Variants in RGL1 observed in about 807,000 individuals in gnomAD.
RGL1 encodes ral guanine nucleotide dissociation stimulator like 1.
In RGL1, 24 loss-of-function variants were observed where a neutral mutation model predicts 95.2. That is an observed-to-expected ratio of 0.25 (90% CI 0.18 to 0.35). RGL1 has a LOEUF of 0.35. Ranked by LOEUF, RGL1 falls within the 10% of genes least tolerant of loss-of-function variation. The pLI, the probability that RGL1 is intolerant of heterozygous loss-of-function variation, is 1.00. For missense variants in RGL1, 715 were observed against 936.3 expected, an observed-to-expected ratio of 0.76 and a Z score of 3.08; for synonymous variants, 329 against 344.9, an observed-to-expected ratio of 0.95 and a Z score of 0.51.
intron 1 of RGL1, among the ~76,000 whole-genome samples, chr1:183,643,319 G>A (rs920439531): frequency 1.3e-5 from 2 of 149,716 alleles, no homozygotes; most frequent in African/African-American, 2.5e-5. Flanking sequence ...TTGAGACGGG[G>A]TCTCACTCTG....
At chr1:183,779,212 C>T (rs979175898) in intron 2 of RGL1, among the ~76,000 whole-genome samples, 1 of 147,612 alleles carries the variant, frequency 6.8e-6, no homozygotes, top group Non-Finnish European at 1.5e-5. Context: ...TCCTTCCTTC[C>T]TTCCTTCCTT....
At chr1:183,841,201 C>T (rs1000870598) in intron 2 of RGL1, among the ~76,000 whole-genome samples, 13 of 152,114 alleles carry the variant, frequency 8.5e-5, no homozygotes, top group Admixed American at 5.9e-4. Context: ...GAAAAGACAG[C>T]CATTGTGTAT....
chr1:183,905,027 T>C, intron 13 of RGL1, 56 bp downstream of exon 13: 1 of 1,579,774 alleles, frequency 6.3e-7, no homozygotes, highest in Non-Finnish European at 8.6e-7. Context: ...AGAAAAATGC[T>C]GCATTTAATA....
intron 1 of RGL1, among the ~76,000 whole-genome samples, chr1:183,668,337 GT>G (rs1572250617): frequency 6.6e-6 from 1 of 151,904 alleles, no homozygotes; most frequent in Non-Finnish European, 1.5e-5. Context: ...AGGTTGATGA[GT>G]TTTTTTCTAT....
At chr1:183,653,580 T>TAAC (rs1650926179) in intron 1 of RGL1, among the ~76,000 whole-genome samples, 1 of 152,186 alleles carries the variant, frequency 6.6e-6, no homozygotes, top group African/African-American at 2.4e-5. Context: ...GCCTGGCGGT[T>TAAC]CTGTTGCCTG....
intron 9 of RGL1, among the ~76,000 whole-genome samples, chr1:183,894,529 G>A (rs1667584871): frequency 6.6e-6 from 1 of 152,042 alleles, no homozygotes; most frequent in South Asian, 2.1e-4. Context: ...TTCATATGAA[G>A]TGTCTAATTC....
chr1:183,682,472 C>T (rs565335580), intron 1 of RGL1, among the ~76,000 whole-genome samples: 12 of 152,158 alleles, frequency 7.9e-5, no homozygotes, highest in East Asian at 5.8e-4. Flanking sequence ...TGTAGTTGTG[C>T]GCTTTTGAGT....
intron 1 of RGL1, among the ~76,000 whole-genome samples, chr1:183,661,316 C>T (rs1234472589): frequency 2.0e-5 from 3 of 151,928 alleles, no homozygotes. Flanking sequence ...GCTAGCAAGA[C>T]TAGTAAAGAA....
chr1:183,847,824 G>A (rs1332159085), intron 3 of RGL1, 50 bp downstream of exon 3: 1 of 1,441,680 alleles, frequency 6.9e-7, no homozygotes, highest in Non-Finnish European at 9.7e-7. Flanking sequence ...GGCTGATTAT[G>A]GAGTGGAGCA....
chr1:183,760,581 A>C (rs945157584), intron 2 of RGL1, among the ~76,000 whole-genome samples: 8 of 149,034 alleles, frequency 5.4e-5, no homozygotes, highest in South Asian at 2.1e-4. Context: ...AAAAAAAAAA[A>C]AAAAAAAAAA....
At chr1:183,688,456 A>AAGAGAGAG (rs57516940) in intron 1 of RGL1, among the ~76,000 whole-genome samples, 3 of 149,998 alleles carry the variant, frequency 2.0e-5, no homozygotes, top group Non-Finnish European at 3.0e-5. Flanking sequence ...GGATCTACTG[A>AAGAGAGAG]AGAGAGAGAG....
At chr1:183,919,928 T>G (rs1669218996) in intron 16 of RGL1, among the ~76,000 whole-genome samples, 1 of 152,216 alleles carries the variant, frequency 6.6e-6, no homozygotes, top group African/African-American at 2.4e-5. Flanking sequence ...ATATACCAGA[T>G]TTTGAACACT....
intron 2 of RGL1, among the ~76,000 whole-genome samples, chr1:183,832,123 G>C (rs1663301574): frequency 6.6e-6 from 1 of 152,166 alleles, no homozygotes; most frequent in South Asian, 2.1e-4. Context: ...CTAGTTAGGT[G>C]CCTATTACTC....
chr1:183,903,566 G>C (rs993526385), intron 12 of RGL1, among the ~76,000 whole-genome samples: 1 of 152,098 alleles, frequency 6.6e-6, no homozygotes, highest in Non-Finnish European at 1.5e-5. Flanking sequence ...ACATGGGGGG[G>C]GTTTGGGAAT....
At chr1:183,637,183 T>C (rs1484715531) in intron 1 of RGL1, among the ~76,000 whole-genome samples, 1 of 152,288 alleles carries the variant, frequency 6.6e-6, no homozygotes, top group African/African-American at 2.4e-5. Context: ...CGAAAGTGTT[T>C]CCAAGCTCTA....
At chr1:183,853,712 T>C (rs73047545) in intron 3 of RGL1, among the ~76,000 whole-genome samples, 4,806 of 152,278 alleles carry the variant, frequency 0.032, 277 homozygotes, top group African/African-American at 0.11. Context: ...AAATTGTGGC[T>C]CAGAAACATT....
At chr1:183,705,211 G>T (rs755473693) in intron 1 of RGL1, among the ~76,000 whole-genome samples, 10 of 152,114 alleles carry the variant, frequency 6.6e-5, no homozygotes, top group Admixed American at 2.0e-4. Context: ...CTAGAAAAGA[G>T]ATAATTTCTT....
intron 17 of RGL1, among the ~76,000 whole-genome samples, chr1:183,925,338 G>C (rs1277158878): frequency 6.6e-6 from 1 of 152,150 alleles, no homozygotes; most frequent in African/African-American, 2.4e-5. Flanking sequence ...CTGTCAGGGG[G>C]TTGGGGAAAA....
intron 5 of RGL1, 109 bp from the exon 6 acceptor site, chr1:183,883,677 C>A: frequency 8.1e-7 from 1 of 1,229,878 alleles, no homozygotes; most frequent in Non-Finnish European, 1.2e-6. Flanking sequence ...TGTGGCTGTT[C>A]TGGAGGATTG....
Sources: allele counts gnomAD v4.1 joint callset (sites outside exome capture counted in the v4.1 genomes callset), GRCh38; gene constraint gnomAD v4.1.1; transcripts MANE v1.5; gene names NCBI Gene and HGNC (gene_info 2026-07-23, HGNC 2026-07-21).